PTPRN2: variants seen among roughly 807,000 people sequenced by gnomAD.
PTPRN2 encodes the protein protein tyrosine phosphatase receptor type N2, also known as receptor-type tyrosine-protein phosphatase N2.
PTPRN2 carries 74 observed loss-of-function variants against 118.8 expected under a neutral mutation model. The ratio of observed to expected loss-of-function variants is 0.62; its 90% CI spans 0.52 to 0.76. The LOEUF (loss-of-function observed/expected upper bound fraction) is 0.76. PTPRN2 is among the 30% of genes least tolerant of loss of function. The pLI, the probability that PTPRN2 is intolerant of heterozygous loss-of-function variation, is 0.00. For synonymous variants in PTPRN2, 641 were observed against 608.0 expected, an observed-to-expected ratio of 1.05 and a Z score of -0.80; for missense variants, 1,481 against 1,394.4, an observed-to-expected ratio of 1.06 and a Z score of -0.99.
intron 1 of PTPRN2, among the ~76,000 whole-genome samples, chr7:158,550,574 C>A (rs867459034): frequency 9.9e-5 from 15 of 152,214 alleles, no homozygotes; most frequent in Non-Finnish European, 8.8e-5. Flanking sequence ...CAGGCCTGCC[C>A]GAGGCTCCCC....
At chr7:157,607,386 G>A (rs1802069607) in intron 15 of PTPRN2, among the ~76,000 whole-genome samples, 1 of 152,228 alleles carries the variant, frequency 6.6e-6, no homozygotes, top group African/African-American at 2.4e-5. Context: ...GCTTCCAGGG[G>A]CCTCTAGGGC....
At chr7:158,270,839 CCTCACCTGGACCG>C in intron 3 of PTPRN2, among the ~76,000 whole-genome samples, 2 of 44,444 alleles carry the variant, frequency 4.5e-5, no homozygotes, top group African/African-American at 2.5e-4. Flanking sequence ...TGGATGACCC[CCTCACCTGGACCG>C]CCCCCCCACC....
At chr7:158,004,211 G>C (rs1223235679) in intron 11 of PTPRN2, among the ~76,000 whole-genome samples, 4 of 152,112 alleles carry the variant, frequency 2.6e-5, no homozygotes, top group Non-Finnish European at 5.9e-5. Context: ...GAGAGAAGTA[G>C]GCAGGGTCTA....
At chr7:157,769,156 C>T (rs932014630) in intron 12 of PTPRN2, among the ~76,000 whole-genome samples, 5 of 152,322 alleles carry the variant, frequency 3.3e-5, no homozygotes, top group South Asian at 2.1e-4. Flanking sequence ...CAGTGTCCAC[C>T]GAGGGCAGCG....
intron 12 of PTPRN2, among the ~76,000 whole-genome samples, chr7:157,701,593 T>A (rs1798068455): frequency 6.6e-6 from 1 of 152,172 alleles, no homozygotes; most frequent in Non-Finnish European, 1.5e-5. Flanking sequence ...CTCCTGTCAC[T>A]CAGCGCTGCC....
intron 3 of PTPRN2, among the ~76,000 whole-genome samples, chr7:158,230,778 A>G (rs1352223233): frequency 6.6e-6 from 1 of 152,204 alleles, no homozygotes; most frequent in Non-Finnish European, 1.5e-5. Context: ...GGAGTTACAA[A>G]ACAATGAAAA....
chr7:158,249,646 G>A lies in PTPRN2; in HGVS notation c.278-44373C>T, dbSNP rs192461005. On this transcript the variant is annotated intron_variant, in intron 3 of 22. Transcript: ENST00000389418. The stretch of plus-strand genomic sequence containing the variant: ...GGCTGATGAGTCTCCCAGTTGTGAC[G>A]TCTATGCAGCCAATAAAATGTGGAA... Among the ~76,000 whole-genome samples the A allele has an allele frequency of 2.6e-3, 390 of 152,278 alleles. 5 individuals carry two copies. Among genetic ancestry groups the A allele is most frequent in the African/African-American group, 9.0e-3 (374 of 41,536 alleles).
At chr7:157,571,354 T>A (rs1799749861) in intron 20 of PTPRN2, 86 bp downstream of exon 20, 7 of 1,066,494 alleles carry the variant, frequency 6.6e-6, no homozygotes, top group Non-Finnish European at 1.4e-6. Flanking sequence ...TATTAAGCAA[T>A]TAGAAAGTTA....
chr7:158,048,259 A>G (rs1254336855), intron 11 of PTPRN2, among the ~76,000 whole-genome samples: 1 of 152,150 alleles, frequency 6.6e-6, no homozygotes, highest in African/African-American at 2.4e-5. Flanking sequence ...CTATAGCATC[A>G]GAAACTCTCC....
chr7:157,757,186 C>T (rs897900554), intron 12 of PTPRN2, among the ~76,000 whole-genome samples: 2 of 150,258 alleles, frequency 1.3e-5, no homozygotes, highest in Non-Finnish European at 1.5e-5. Flanking sequence ...GAGGCTGCAC[C>T]GTGCAGGCAG....
At chr7:157,982,753 G>C (rs1486130270) in intron 11 of PTPRN2, among the ~76,000 whole-genome samples, 1 of 114,110 alleles carries the variant, frequency 8.8e-6, no homozygotes, top group African/African-American at 3.5e-5. Flanking sequence ...GGAGGGGAAT[G>C]CAGAGTGCAG....
intron 1 of PTPRN2, among the ~76,000 whole-genome samples, chr7:158,551,419 G>T (rs1826644637): frequency 6.6e-6 from 1 of 151,808 alleles, no homozygotes; most frequent in Non-Finnish European, 1.5e-5. Context: ...TCAGGGGTGG[G>T]GTTCTCATGC....
intron 3 of PTPRN2, among the ~76,000 whole-genome samples, chr7:158,231,100 C>T (rs1298054109): frequency 6.6e-6 from 1 of 152,094 alleles, no homozygotes; most frequent in Non-Finnish European, 1.5e-5. Context: ...GACTCCATCT[C>T]TATAAAAAAA....
At chr7:158,552,861 C>A (rs1367026627) in intron 1 of PTPRN2, among the ~76,000 whole-genome samples, 4 of 152,094 alleles carry the variant, frequency 2.6e-5, no homozygotes, top group Non-Finnish European at 4.4e-5. Context: ...CAGAGAAACC[C>A]TAGAGAGTGG....
rs1201284099 is a variant in PTPRN2 at position 158,170,709 on chromosome 7, T to G, written c.550-3418A>C. 5.3e-5 allele frequency among the ~76,000 whole-genome samples: 8 copies of G among 152,124 alleles called. No individual in the cohort carries two copies. The South Asian group carries it at 6.2e-4, about 12-fold the overall frequency. On this transcript the variant is annotated intron_variant, in intron 5 of 22. Transcript: ENST00000389418. ...CCCATAACCAAGAGGGCCTGAGAGT[T>G]GGGAACATGGGCAGTAAAGAAAAGT...
At chr7:158,559,211 A>G (rs1215169731) in intron 1 of PTPRN2, among the ~76,000 whole-genome samples, 1 of 152,254 alleles carries the variant, frequency 6.6e-6, no homozygotes, top group African/African-American at 2.4e-5. Context: ...AATATTTTGT[A>G]TAAAAATGAA....
chr7:158,214,197 C>T (rs1197418221), intron 3 of PTPRN2, among the ~76,000 whole-genome samples: 4 of 152,094 alleles, frequency 2.6e-5, no homozygotes, highest in South Asian at 4.1e-4. Flanking sequence ...AAGGAATCCA[C>T]TCCCAGAGAT....
At chr7:158,434,444 T>G (rs1221253618) in intron 2 of PTPRN2, among the ~76,000 whole-genome samples, 2 of 152,218 alleles carry the variant, frequency 1.3e-5, no homozygotes, top group African/African-American at 2.4e-5. Flanking sequence ...CGGAAAATGC[T>G]TCCTGCCTTA....
chr7:158,557,966 ACCCCC>A, intron 1 of PTPRN2, among the ~76,000 whole-genome samples: 1 of 151,906 alleles, frequency 6.6e-6, no homozygotes, highest in Non-Finnish European at 1.5e-5. Flanking sequence ...AACTTCATAG[ACCCCC>A]TTTTAAATAA....
Sources: gnomAD v4.1 joint callset for allele counts (sites outside exome capture counted in the v4.1 genomes callset) on GRCh38, gnomAD v4.1.1 for gene constraint, MANE v1.5 for transcripts, NCBI Gene and HGNC (gene_info 2026-07-23, HGNC 2026-07-21) for gene names.